The following PCDH15 variants were observed in gnomAD, a reference collection of about 807,000 sequenced individuals.
PCDH15 encodes protocadherin-15.
In PCDH15, 129 loss-of-function variants were observed where a neutral mutation model predicts 178.5. That is an observed-to-expected ratio of 0.72 (90% CI 0.63 to 0.84). The LOEUF is 0.84. PCDH15 is among the 40% of genes least tolerant of loss of function. PCDH15 has a pLI of 0.00. For synonymous variants in PCDH15, 800 were observed against 732.0 expected, an observed-to-expected ratio of 1.09 and a Z score of -1.50; for missense variants, 2,230 against 2,099.9, an observed-to-expected ratio of 1.06 and a Z score of -1.21.
chr10:54,707,152 A>G (rs17500902), intron 1 of PCDH15, among the ~76,000 whole-genome samples: 15,482 of 152,122 alleles, frequency 0.1, 1,026 homozygotes, highest in Middle Eastern at 0.17. Flanking sequence ...TACCTAAGCT[A>G]CAGAACCTAG....
At chr10:54,312,865 C>G (rs1263062787) in intron 8 of PCDH15, among the ~76,000 whole-genome samples, 1 of 152,040 alleles carries the variant, frequency 6.6e-6, no homozygotes, top group African/African-American at 2.4e-5. Context: ...GCCTGTTATA[C>G]GGTGACTGAT....
chr10:53,855,603 G>A (rs999878403), intron 28 of PCDH15, among the ~76,000 whole-genome samples: 1 of 151,884 alleles, frequency 6.6e-6, no homozygotes, highest in Non-Finnish European at 1.5e-5. Flanking sequence ...CGTGCCTACT[G>A]TATTTTATTT....
intron 1 of PCDH15, among the ~76,000 whole-genome samples, chr10:54,672,307 T>C (rs963769076): frequency 2.0e-5 from 3 of 151,948 alleles, no homozygotes; most frequent in Non-Finnish European, 4.4e-5. Flanking sequence ...CAGCCCCAGG[T>C]CGGTGGAAAT....
chr10:54,887,033 A>C (rs1954371339), intron 3 of PCDH15, among the ~76,000 whole-genome samples: 2 of 152,224 alleles, frequency 1.3e-5, no homozygotes, highest in African/African-American at 4.8e-5. Flanking sequence ...AACTAACAAA[A>C]TTCCCCAAGG....
intron 2 of PCDH15, among the ~76,000 whole-genome samples, chr10:55,153,429 A>G (rs1838792413): frequency 6.6e-6 from 1 of 152,164 alleles, no homozygotes; most frequent in Non-Finnish European, 1.5e-5. Context: ...TTTTGTAATC[A>G]TTACTGGGTG....
At chr10:54,901,228 C>A (rs968113606) in intron 2 of PCDH15, among the ~76,000 whole-genome samples, 2 of 151,944 alleles carry the variant, frequency 1.3e-5, no homozygotes, top group African/African-American at 4.8e-5. Flanking sequence ...ATCACTTGAG[C>A]CTGGGAAGTG....
chr10:54,234,368 GATCT>G (rs1564747730), intron 9 of PCDH15, among the ~76,000 whole-genome samples: 1 of 152,030 alleles, frequency 6.6e-6, no homozygotes, highest in African/African-American at 2.4e-5. Context: ...TTTGTACAAA[GATCT>G]ATTTTTGTTA....
intron 3 of PCDH15, among the ~76,000 whole-genome samples, chr10:54,809,021 C>T (rs1486342159): frequency 6.6e-6 from 1 of 151,714 alleles, no homozygotes; most frequent in African/African-American, 2.4e-5. Flanking sequence ...ATTTTTCGTC[C>T]TGATCTTGAC....
chr10:54,415,603 T>C (rs140445925), intron 3 of PCDH15, among the ~76,000 whole-genome samples: 36 of 150,250 alleles, frequency 2.4e-4, no homozygotes, highest in African/African-American at 7.6e-4. Flanking sequence ...AGATGTGATA[T>C]ATGTGAAAAG....
At chr10:54,526,779 G>T (rs1369883450) in intron 3 of PCDH15, among the ~76,000 whole-genome samples, 1 of 152,158 alleles carries the variant, frequency 6.6e-6, no homozygotes, top group African/African-American at 2.4e-5. Flanking sequence ...CACAGAATGT[G>T]TGGGAATATA....
chr10:54,827,611 G>T (rs1953152848), intron 3 of PCDH15, among the ~76,000 whole-genome samples: 1 of 151,986 alleles, frequency 6.6e-6, no homozygotes, highest in African/African-American at 2.4e-5. Flanking sequence ...TCTCTCCTTT[G>T]GGAGCAGAGT....
intron 20 of PCDH15, among the ~76,000 whole-genome samples, chr10:54,008,844 C>G (rs1021131740): frequency 6.6e-6 from 1 of 152,132 alleles, no homozygotes; most frequent in Non-Finnish European, 1.5e-5. Flanking sequence ...AAATTTTTCA[C>G]CTGGTCCAGA....
intron 2 of PCDH15, among the ~76,000 whole-genome samples, chr10:54,984,103 G>A (rs1564689149): frequency 6.6e-6 from 1 of 152,150 alleles, no homozygotes; most frequent in Non-Finnish European, 1.5e-5. Flanking sequence ...GACTGTCAGG[G>A]CTCAGAAGCT....
At chr10:54,104,842 CAACAAAAAAAAAAAAA>C (rs1388748336) in intron 15 of PCDH15, among the ~76,000 whole-genome samples, 3 of 77,160 alleles carry the variant, frequency 3.9e-5, no homozygotes, top group African/African-American at 1.1e-4. Flanking sequence ...GCCTCAACAA[CAACAAAAAAAAAAAAA>C]AAAAAAAAAA....
chr10:55,386,812 G>C (rs1464262563), intron 2 of PCDH15, among the ~76,000 whole-genome samples: 2 of 152,048 alleles, frequency 1.3e-5, no homozygotes, highest in Admixed American at 1.3e-4. Context: ...AAACATTGAA[G>C]TGGTATGTAA....
chr10:54,739,449 T>G (rs1292747570), intron 1 of PCDH15, among the ~76,000 whole-genome samples: 3 of 151,582 alleles, frequency 2.0e-5, no homozygotes, highest in African/African-American at 7.3e-5. Context: ...GTAAGATACC[T>G]CATGTTTTGG....
intron 1 of PCDH15, among the ~76,000 whole-genome samples, chr10:55,297,697 T>C (rs1205579796): frequency 2.6e-5 from 4 of 152,124 alleles, no homozygotes; most frequent in African/African-American, 9.7e-5. Context: ...GCTGGAAAAC[T>C]GAATACTAAG....
chr10:54,516,971 G>A (rs564212861), intron 3 of PCDH15, among the ~76,000 whole-genome samples: 1 of 152,042 alleles, frequency 6.6e-6, no homozygotes, highest in East Asian at 1.9e-4. Context: ...AGCTTCATAA[G>A]TGAAGGAGAA....
chr10:55,448,208 C>A (rs1839359042), intron 2 of PCDH15, among the ~76,000 whole-genome samples: 1 of 151,988 alleles, frequency 6.6e-6, no homozygotes, highest in African/African-American at 2.4e-5. Flanking sequence ...AATGACCTGG[C>A]TAAGCTAGTT....
Sources: allele counts gnomAD v4.1 joint callset (sites outside exome capture counted in the v4.1 genomes callset), GRCh38; gene constraint gnomAD v4.1.1; transcripts MANE v1.5; gene names NCBI Gene and HGNC (gene_info 2026-07-23, HGNC 2026-07-21).